The following ZFAND3 variants were observed in gnomAD, a reference collection of about 807,000 sequenced individuals.
ZFAND3 encodes AN1-type zinc finger protein 3.
ZFAND3 carries 10 observed loss-of-function variants against 29.6 expected under a neutral mutation model. That is an observed-to-expected ratio of 0.34 (90% CI 0.21 to 0.57). ZFAND3 has a LOEUF of 0.57. Ranked by LOEUF, ZFAND3 falls within the 20% of genes least tolerant of loss-of-function variation. ZFAND3 has a pLI of 0.86. For missense variants in ZFAND3, 230 were observed against 304.5 expected (o/e 0.76, Z 1.82); for synonymous variants, 128 against 112.6 (o/e 1.14, Z -0.87).
chr6:37,955,601 C>T (rs138010030), intron 2 of ZFAND3, among the ~76,000 whole-genome samples: 1 of 152,192 alleles, frequency 6.6e-6, no homozygotes, highest in East Asian at 1.9e-4. Flanking sequence ...GTAGTAAGTT[C>T]TGCTATGACC....
At chr6:37,985,499 C>CCACACACACACACA (rs5875607) in intron 2 of ZFAND3, among the ~76,000 whole-genome samples, 208 of 141,690 alleles carry the variant, frequency 1.5e-3, no homozygotes, top group South Asian at 5.5e-3. Context: ...GCTTGTGGTT[C>CCACACACACACACA]CACACACACA....
At chr6:37,872,959 T>C (rs1764720499) in intron 1 of ZFAND3, among the ~76,000 whole-genome samples, 1 of 152,244 alleles carries the variant, frequency 6.6e-6, no homozygotes, top group Non-Finnish European at 1.5e-5. Context: ...ATTGAGTTTT[T>C]AGCTTTTAGA....
chr6:37,856,314 TCTTA>T (rs111476032), intron 1 of ZFAND3, among the ~76,000 whole-genome samples: 2 of 152,202 alleles, frequency 1.3e-5, no homozygotes, highest in African/African-American at 4.8e-5. Context: ...TCTTCTCTAG[TCTTA>T]CTTCTGTCAG....
At chr6:38,025,216 A>G (rs1399229191) in intron 2 of ZFAND3, among the ~76,000 whole-genome samples, 7 of 152,202 alleles carry the variant, frequency 4.6e-5, no homozygotes, top group South Asian at 2.1e-4. Flanking sequence ...CATTTTTCCT[A>G]TAGGAATTCA....
intron 2 of ZFAND3, among the ~76,000 whole-genome samples, chr6:38,028,277 G>A (rs1406277295): frequency 6.6e-6 from 1 of 152,158 alleles, no homozygotes; most frequent in Non-Finnish European, 1.5e-5. Flanking sequence ...TAGAAAACAA[G>A]TCTCTAGCTT....
Position 37,819,833 on chromosome 6 carries a change from C to G in ZFAND3, c.-113C>G, listed in dbSNP as rs990052795. On this transcript the variant is annotated 5_prime_UTR_variant, in exon 1 of 6. Coordinates refer to ENST00000287218, the MANE Select transcript of ZFAND3 (RefSeq NM_021943.3). ...GCCCGCCCGCGCGCCCGCTCCTTCC[C>G]CCTCCCCCCGCCCCGAGCCCCCCGA... 5 of 606,300 alleles carry G rather than the reference C, an allele frequency of 8.2e-6. No homozygotes were observed. In the South Asian group the frequency reaches 3.6e-4, roughly 44 times the overall value. The allele number at this position is 606,300 out of a possible 1,614,324, so 37.6% of individuals were successfully genotyped here.
At chr6:37,889,203 G>A (rs892356169) in intron 1 of ZFAND3, among the ~76,000 whole-genome samples, 1 of 151,932 alleles carries the variant, frequency 6.6e-6, no homozygotes, top group African/African-American at 2.4e-5. Context: ...AGAGGAAGAC[G>A]GAGGAAAAAA....
intron 3 of ZFAND3, among the ~76,000 whole-genome samples, chr6:38,075,584 G>A (rs139852976): frequency 6.6e-6 from 1 of 152,240 alleles, no homozygotes; most frequent in Admixed American, 6.5e-5. Context: ...TTATTGAAAT[G>A]GCAACAAAAA....
intron 3 of ZFAND3, among the ~76,000 whole-genome samples, chr6:38,068,660 G>GT (rs986103748): frequency 6.6e-6 from 1 of 152,044 alleles, no homozygotes; most frequent in African/African-American, 2.4e-5. Flanking sequence ...CGGGACTCTG[G>GT]TTTTTTTCCT....
At chr6:37,851,421 T>G (rs1764279994) in intron 1 of ZFAND3, among the ~76,000 whole-genome samples, 1 of 152,206 alleles carries the variant, frequency 6.6e-6, no homozygotes, top group African/African-American at 2.4e-5. Flanking sequence ...GTTCTTACTC[T>G]TTGAAATAAA....
At chr6:38,076,921 A>G (rs1326716273) in intron 3 of ZFAND3, among the ~76,000 whole-genome samples, 1 of 152,182 alleles carries the variant, frequency 6.6e-6, no homozygotes, top group East Asian at 1.9e-4. Flanking sequence ...TACACATTAA[A>G]TACTGTCAAT....
At chr6:38,061,485 C>A in intron 2 of ZFAND3, 108 bp from the exon 3 acceptor site, 2 of 1,337,846 alleles carry the variant, frequency 1.5e-6, no homozygotes, top group Non-Finnish European at 2.0e-6. Flanking sequence ...CCAGATCAGT[C>A]TTTATTATTG....
In ZFAND3 at chr6:37,836,769, T is replaced by C. The variant is rs143737603; in HGVS notation, c.71+16753T>C. On this transcript the variant is annotated intron_variant, in intron 1 of 5. Coordinates refer to ENST00000287218, the MANE Select transcript of ZFAND3 (RefSeq NM_021943.3). ...TCACTTCTATTAACACTTCCAATAATATATATGTTTTTAGGGTAATTTTTT... is the reference window on the plus strand; with the variant it reads ...TCACTTCTATTAACACTTCCAATAACATATATGTTTTTAGGGTAATTTTTT... Among the ~76,000 whole-genome samples the C allele has an allele frequency of 3.3e-5, 5 of 152,298 alleles. No homozygotes were observed. The East Asian group carries it at 9.6e-4, about 29-fold the overall frequency.
chr6:37,986,044 A>G (rs1446943648), intron 2 of ZFAND3, among the ~76,000 whole-genome samples: 1 of 152,246 alleles, frequency 6.6e-6, no homozygotes, highest in Non-Finnish European at 1.5e-5. Context: ...GGAAAACACA[A>G]AAGTAGACAT....
intron 2 of ZFAND3, among the ~76,000 whole-genome samples, chr6:37,971,541 C>T (rs1169353420): frequency 3.3e-5 from 5 of 152,168 alleles, no homozygotes; most frequent in African/African-American, 1.2e-4. Flanking sequence ...CAGTCTCACA[C>T]TTAATTCCAA....
At chr6:37,905,679 CT>C (rs1283864830) in intron 1 of ZFAND3, among the ~76,000 whole-genome samples, 1 of 152,044 alleles carries the variant, frequency 6.6e-6, no homozygotes, top group Non-Finnish European at 1.5e-5. Context: ...AATCATTTAG[CT>C]TATTCCCTTT....
intron 1 of ZFAND3, among the ~76,000 whole-genome samples, chr6:37,839,026 T>C (rs1001028557): frequency 6.6e-6 from 1 of 152,180 alleles, no homozygotes; most frequent in Non-Finnish European, 1.5e-5. Flanking sequence ...GCATCTCCAT[T>C]GTGTTTTGAT....
intron 1 of ZFAND3, among the ~76,000 whole-genome samples, chr6:37,851,398 CA>C (rs35217548): frequency 1.3e-5 from 2 of 151,832 alleles, no homozygotes; most frequent in East Asian, 1.9e-4. Context: ...ATTTACCCAC[CA>C]AAAAAGGATA....
intron 1 of ZFAND3, among the ~76,000 whole-genome samples, chr6:37,913,682 G>T (rs1765562717): frequency 6.8e-6 from 1 of 148,084 alleles, no homozygotes; most frequent in Non-Finnish European, 1.5e-5. Flanking sequence ...TATTTACTTT[G>T]CCCAGCTGTC....
Sources: gnomAD v4.1 joint callset for allele counts (sites outside exome capture counted in the v4.1 genomes callset) on GRCh38, gnomAD v4.1.1 for gene constraint, MANE v1.5 for transcripts, NCBI Gene and HGNC (gene_info 2026-07-23, HGNC 2026-07-21) for gene names.